UBE2Q2: variants seen among roughly 807,000 people sequenced by gnomAD.
The protein encoded by UBE2Q2 is ubiquitin-conjugating enzyme E2 Q2.
In UBE2Q2, 54 loss-of-function variants were observed where a neutral mutation model predicts 59.9. The ratio of observed to expected loss-of-function variants is 0.90; its 90% CI spans 0.72 to 1.13. The LOEUF is 1.13. Ranked by LOEUF, UBE2Q2 falls within the 50% of genes most tolerant of loss-of-function variation. UBE2Q2 has a pLI of 0.00. For missense variants in UBE2Q2, 433 were observed against 441.9 expected, an observed-to-expected ratio of 0.98 and a Z score of 0.18; for synonymous variants, 165 against 155.2, an observed-to-expected ratio of 1.06 and a Z score of -0.47.
intron 10 of UBE2Q2, 97 bp downstream of exon 10, chr15:75,890,580 C>T (rs1595896979): frequency 2.8e-6 from 3 of 1,054,540 alleles, no homozygotes; most frequent in East Asian, 4.9e-5. Flanking sequence ...AGCTCCTACT[C>T]TTAAATTTTA....
chr15:75,844,188 CCGGGGCGGGGCGGGG>C (rs534143228), intron 1 of UBE2Q2: 2 of 1,445,660 alleles, frequency 1.4e-6, no homozygotes, highest in Non-Finnish European at 1.8e-6. Context: ...GCTCCCGGGA[CCGGGGCGGGGCGGGG>C]CGGGGCGGCG....
chr15:75,899,105 CAAAAA>C (rs34292081), intron 12 of UBE2Q2, among the ~76,000 whole-genome samples: 2 of 111,110 alleles, frequency 1.8e-5, no homozygotes, highest in African/African-American at 7.0e-5. Flanking sequence ...TACTAAATAC[CAAAAA>C]AAAAAAAAAA....
In UBE2Q2 at chr15:75,844,724, T is replaced by A. The variant is rs1462775650; in HGVS notation, c.180+878T>A. 7.7e-6 allele frequency: 3 copies of A among 388,076 alleles called. No individual in the cohort carries two copies. In the East Asian group the frequency reaches 1.4e-4, roughly 18 times the overall value. The allele number at this position is 388,076 out of a possible 1,614,324, so 24.0% of individuals were successfully genotyped here. A position where few individuals can be genotyped will look rare whatever the true frequency, so the allele number is the denominator to read the frequency against. ...AAGTGTATCGTGAAGCTATTCGTCG[T>A]GAAATTGATGTAGGATATTGGTCCA... On this transcript the variant is annotated intron_variant, in intron 1 of 12. Coordinates refer to ENST00000267938, the MANE Select transcript of UBE2Q2 (RefSeq NM_173469.4).
chr15:75,895,923 G>C (rs1279770724), intron 11 of UBE2Q2, among the ~76,000 whole-genome samples: 2 of 152,052 alleles, frequency 1.3e-5, no homozygotes, highest in Non-Finnish European at 2.9e-5. Context: ...GGTTGCTCTT[G>C]GCAACATTAT....
In UBE2Q2 at chr15:75,883,354, T is replaced by C. The variant is rs1234001304; in HGVS notation, c.826-12T>C. On this transcript the variant is annotated splice_polypyrimidine_tract_variant and intron_variant, in intron 8 of 12. Transcript: ENST00000267938. Reference sequence around the variant, plus strand: ...TCTTTAAATTAATTAAACTTGCTTATTTGCTTTTTAGGATAACTTTCCATT... The same window carrying C: ...TCTTTAAATTAATTAAACTTGCTTACTTGCTTTTTAGGATAACTTTCCATT... 1.9e-6 allele frequency: 3 copies of C among 1,611,234 alleles called. No homozygotes were observed. The highest frequency in any genetic ancestry group is 2.5e-6 in the Non-Finnish European group (3 of 1,177,898).
At chr15:75,879,934 G>A (rs1898310631) in intron 8 of UBE2Q2, among the ~76,000 whole-genome samples, 1 of 152,138 alleles carries the variant, frequency 6.6e-6, no homozygotes, top group South Asian at 2.1e-4. Context: ...GTGGGAGGTA[G>A]GGAGGTGTGA....
chr15:75,885,097 C>T (rs745994608), intron 9 of UBE2Q2, among the ~76,000 whole-genome samples: 3 of 152,020 alleles, frequency 2.0e-5, no homozygotes, highest in Non-Finnish European at 2.9e-5. Flanking sequence ...TCAAAATGTT[C>T]TGTAAGCACT....
At chr15:75,848,154 A>G (rs981367111) in intron 1 of UBE2Q2, among the ~76,000 whole-genome samples, 1 of 152,184 alleles carries the variant, frequency 6.6e-6, no homozygotes, top group African/African-American at 2.4e-5. Flanking sequence ...TATAGAGGAA[A>G]GCTCTTTGGC....
chr15:75,873,451 T>A lies in UBE2Q2; in HGVS notation c.471T>A (p.Tyr157Ter), dbSNP rs1431650251. 4 of 1,612,488 alleles carry A rather than the reference T, an allele frequency of 2.5e-6. No individual in the cohort carries two copies. Among genetic ancestry groups the A allele is most frequent in the Non-Finnish European group, 3.4e-6 (4 of 1,179,794 alleles). Residue 157 changes from tyrosine (Y) to a stop codon, truncating the protein, a stop_gained, in exon 5 of 13, where the codon TAT (tyrosine) becomes TAA (stop). Coordinates refer to ENST00000267938, the MANE Select transcript of UBE2Q2 (RefSeq NM_173469.4). LOFTEE classifies it high-confidence loss of function. The part of the protein sequence containing the change: ...MAEDIEDLDH[Y>*]EMKEEEPISG... ...AGGATATAGAAGACTTAGATCACTA[T>A]GAGATGAAGGAAGAAGAGCCTATTA...
chr15:75,892,870 A>G (rs1339755792), intron 11 of UBE2Q2, among the ~76,000 whole-genome samples: 2 of 152,212 alleles, frequency 1.3e-5, no homozygotes, highest in Non-Finnish European at 2.9e-5. Flanking sequence ...TCTGTCTCAA[A>G]ATAAAAAATG....
At chr15:75,872,471 G>A (rs1897848401) in intron 4 of UBE2Q2, among the ~76,000 whole-genome samples, 2 of 151,698 alleles carry the variant, frequency 1.3e-5, no homozygotes, top group Admixed American at 6.6e-5. Context: ...GGAAAGAAGG[G>A]AGCAGAATGA....
chr15:75,897,904 T>C (rs1418213636), intron 12 of UBE2Q2, among the ~76,000 whole-genome samples: 1 of 152,138 alleles, frequency 6.6e-6, no homozygotes, highest in African/African-American at 2.4e-5. Flanking sequence ...CTCATTTATT[T>C]TAATGACAAA....
intron 3 of UBE2Q2, among the ~76,000 whole-genome samples, chr15:75,863,976 G>C (rs2455901): frequency 0.016 from 2,437 of 152,094 alleles, 61 homozygotes; most frequent in African/African-American, 0.055. Flanking sequence ...TGCAGCTTGT[G>C]TTTTTCACTG....
intron 1 of UBE2Q2, 28 bp from the exon 2 acceptor site, chr15:75,854,358 G>A: frequency 1.3e-6 from 2 of 1,572,696 alleles, no homozygotes; most frequent in Non-Finnish European, 1.7e-6. Flanking sequence ...GTATGTAAAT[G>A]TTTAACATGT....
chr15:75,864,305 A>G (rs940583781), intron 3 of UBE2Q2, among the ~76,000 whole-genome samples: 1 of 151,330 alleles, frequency 6.6e-6, no homozygotes, highest in East Asian at 1.9e-4. Context: ...ACTGGAGGAG[A>G]TTTTTGCCTC....
chr15:75,878,076 G>A (rs1470178907), intron 7 of UBE2Q2, 55 bp downstream of exon 7: 4 of 1,497,660 alleles, frequency 2.7e-6, no homozygotes, highest in East Asian at 2.3e-5. Context: ...TATCACAGTG[G>A]AGGTTATTTT....
At chr15:75,855,332 C>T (rs1464531725) in intron 2 of UBE2Q2, among the ~76,000 whole-genome samples, 3 of 151,852 alleles carry the variant, frequency 2.0e-5, no homozygotes, top group African/African-American at 7.3e-5. Context: ...CTCTGCTAAA[C>T]ATATAAAAAT....
intron 3 of UBE2Q2, among the ~76,000 whole-genome samples, chr15:75,863,916 A>G (rs776081685): frequency 6.6e-6 from 1 of 152,152 alleles, no homozygotes; most frequent in Non-Finnish European, 1.5e-5. Flanking sequence ...CTGGGATTAC[A>G]GGGGTGAGCC....
intron 4 of UBE2Q2, among the ~76,000 whole-genome samples, chr15:75,871,111 C>T (rs564098812): frequency 8.5e-5 from 13 of 152,264 alleles, no homozygotes; most frequent in African/African-American, 2.4e-4. Context: ...CAGACAAACA[C>T]GTGAACAAAG....
Sources: allele counts gnomAD v4.1 joint callset (sites outside exome capture counted in the v4.1 genomes callset), GRCh38; gene constraint gnomAD v4.1.1; transcripts MANE v1.5; gene names NCBI Gene and HGNC (gene_info 2026-07-23, HGNC 2026-07-21).